MGAM2: variants seen among roughly 807,000 people sequenced by gnomAD.
The protein encoded by MGAM2 is probable maltase-glucoamylase 2.
Under a neutral mutation model 96.1 loss-of-function variants are expected in MGAM2, and 98 were observed. That is an observed-to-expected ratio of 1.02 (90% CI 0.87 to 1.21). The LOEUF (loss-of-function observed/expected upper bound fraction) is 1.21. MGAM2 is among the 50% of genes most tolerant of loss of function. The probability of loss-of-function intolerance (pLI) is 0.00; values close to 1 mark genes in which losing one functional copy is unlikely to be tolerated. For synonymous variants in MGAM2, 749 were observed against 414.8 expected (o/e 1.81, Z -9.79); for missense variants, 2,055 against 1,182.4 (o/e 1.74, Z -10.82).
rs1355959524 is a variant in MGAM2, at chr7:142,148,772, CT to C, written c.1634+1200del. ...TTTGTCTTTCTCGGCTTCTTTCCCC[CT>C]GTTTTGGTGTTTCTAGAGCACTGTT... is the stretch of plus-strand genomic sequence containing the variant. On this transcript the variant is annotated intron_variant, in intron 15 of 47. Coordinates refer to ENST00000477922, the MANE Select transcript of MGAM2 (RefSeq NM_001293626.2). This position sits in a 1 kb window ranked among gnomAD's most constrained non-coding sequence, Gnocchi z 4.2. Among the ~76,000 whole-genome samples, 4 of 152,166 alleles carry C rather than the reference CT, an allele frequency of 2.6e-5. No homozygotes were observed. In the East Asian group the frequency reaches 7.7e-4, roughly 29 times the overall value.
At chr7:142,199,412 G>T (rs149790554) in intron 44 of MGAM2, among the ~76,000 whole-genome samples, 128 of 152,202 alleles carry the variant, frequency 8.4e-4, no homozygotes, top group African/African-American at 3.0e-3. Context: ...AGAACTGAAG[G>T]TGAAAAATGG....
chr7:142,212,941 G>T (rs1056031267), intron 46 of MGAM2, among the ~76,000 whole-genome samples: 6 of 152,082 alleles, frequency 3.9e-5, no homozygotes, highest in African/African-American at 1.2e-4. Flanking sequence ...GAAGTAATAC[G>T]CTCCTCAGAA....
intron 32 of MGAM2, among the ~76,000 whole-genome samples, chr7:142,181,819 G>C (rs928260515): frequency 3.3e-5 from 5 of 152,184 alleles, no homozygotes; most frequent in Non-Finnish European, 4.4e-5. Context: ...CAGCTGATAT[G>C]GTGCCATGAT....
chr7:142,130,075 A>G (rs1404968353), intron 3 of MGAM2, among the ~76,000 whole-genome samples: 1 of 152,078 alleles, frequency 6.6e-6, no homozygotes, highest in African/African-American at 2.4e-5. Flanking sequence ...TTTTATGTAA[A>G]TTAACCTGAA....
At chr7:142,147,435 C>G in intron 14 of MGAM2, 21 bp from the exon 15 acceptor site, 1 of 695,382 alleles carries the variant, frequency 1.4e-6, no homozygotes, top group South Asian at 1.5e-5. Context: ...AAGTGCCTCA[C>G]TAATGAGTAT....
chr7:142,176,766 T>C (rs1296133757), intron 32 of MGAM2, among the ~76,000 whole-genome samples: 2 of 152,198 alleles, frequency 1.3e-5, no homozygotes, highest in Non-Finnish European at 2.9e-5. Flanking sequence ...AAATTGGCTC[T>C]CTCTGCTTGA....
Position 142,196,733 on chromosome 7 carries a change from G to A in MGAM2, c.4549G>A (p.Ala1517Thr), listed in dbSNP as rs1362892539. The change falls in exon 40 of 48, where the codon GCT becomes ACT. Residue 1517 changes from alanine (A) to threonine (T), a missense_variant. By Grantham distance (58) the Ala-to-Thr change is moderately conservative. Transcript: ENST00000477922. Reference sequence around the variant, plus strand: ...AGATATCTGTGGGTTCTTTGGAGATGCTGAATATGAGATGTGTGTTCGCTG... The same window carrying A: ...AGATATCTGTGGGTTCTTTGGAGATACTGAATATGAGATGTGTGTTCGCTG... ...GADICGFFGD[A>T]EYEMCVRWMQ... The A allele has an allele frequency of 1.3e-6, 1 of 790,530 alleles. No individual in the cohort carries two copies. The highest frequency in any genetic ancestry group is 1.7e-5 in the Admixed American group (1 of 59,012). The allele number at this position is 790,530 out of a possible 1,614,324, so 49.0% of individuals were successfully genotyped here.
At chr7:142,204,985 G>A (rs1797353873) in intron 45 of MGAM2, among the ~76,000 whole-genome samples, 1 of 152,070 alleles carries the variant, frequency 6.6e-6, no homozygotes, top group Non-Finnish European at 1.5e-5. Context: ...TAATATTCCT[G>A]TCTCTTGGGA....
intron 23 of MGAM2, among the ~76,000 whole-genome samples, chr7:142,163,193 G>A (rs376384529): frequency 4.6e-5 from 7 of 152,132 alleles, no homozygotes; most frequent in South Asian, 2.1e-4. Context: ...ATAGTATCTG[G>A]GATGGCTCCA....
chr7:142,206,101 G>A (rs150597637), intron 45 of MGAM2, among the ~76,000 whole-genome samples: 146 of 152,204 alleles, frequency 9.6e-4, no homozygotes, highest in African/African-American at 3.1e-3. Context: ...GACCATTACT[G>A]TGAGGATTTA....
chr7:142,133,192 T>C (rs1341513088), intron 6 of MGAM2, among the ~76,000 whole-genome samples: 21 of 142,098 alleles, frequency 1.5e-4, no homozygotes, highest in Non-Finnish European at 1.2e-4. Flanking sequence ...TATACATTAA[T>C]ATATTAAATA....
chr7:142,151,926 C>T (rs1315598088), intron 15 of MGAM2, among the ~76,000 whole-genome samples: 1 of 152,160 alleles, frequency 6.6e-6, no homozygotes, highest in Non-Finnish European at 1.5e-5. Flanking sequence ...ATCTGGACAT[C>T]AGAAGAACTA....
At chr7:142,167,869 G>T (rs78983411) in intron 26 of MGAM2, among the ~76,000 whole-genome samples, 1 of 152,086 alleles carries the variant, frequency 6.6e-6, no homozygotes, top group African/African-American at 2.4e-5. Context: ...ACTGTGCCTC[G>T]CTGAAACAGC....
chr7:142,199,882 G>A lies in MGAM2; in HGVS notation c.5051G>A (p.Arg1684Gln), dbSNP rs752457422. The A allele has an allele frequency of 3.0e-5, 19 of 625,954 alleles. No individual in the cohort carries two copies. The highest frequency in any genetic ancestry group is 1.3e-4 in the African/African-American group (6 of 47,992). 38.8% of individuals were successfully genotyped at this position (625,954 alleles called of 1,614,324 possible). A position where few individuals can be genotyped will look rare whatever the true frequency, so the allele number is the denominator to read the frequency against. ...QEPAMNTHSS[R>Q]QNFMGLIVAL... ...ACTCTTTTTTTTTTTTTTGGTAGTC[G>A]ACAAAATTTTATGGGATTGATTGTT... Residue 1684 changes from arginine to glutamine, a missense_variant and splice_region_variant, in exon 45 of 48, where the codon CGA (arginine) becomes CAA (glutamine). Transcript: ENST00000477922.
Position 142,158,298 on chromosome 7 carries a change from G to A in MGAM2, c.2129G>A (p.Gly710Glu). 1 of 702,944 alleles carries A rather than the reference G, an allele frequency of 1.4e-6. No homozygotes were observed. The highest frequency in any genetic ancestry group is 2.7e-5 in the East Asian group (1 of 37,278). The allele number at this position is 702,944 out of a possible 1,614,324, so 43.5% of individuals were successfully genotyped here. A position where few individuals can be genotyped will look rare whatever the true frequency, so the allele number is the denominator to read the frequency against. The change falls in exon 19 of 48, where the codon GGA (glycine) becomes GAA (glutamate). Residue 710 changes from glycine to glutamate, a missense_variant. Physicochemically the swap from Gly to Glu is moderately conservative, Grantham distance 98 (BLOSUM62 -2). Coordinates refer to ENST00000477922, the MANE Select transcript of MGAM2 (RefSeq NM_001293626.2). ...GATGTGCATGAGCAGTTCTTATGGG[G>A]ACCTGGACTCCTCATCACGCCTGTT... ...TWDVHEQFLWGPGLLITPVLY... is the reference protein window; with the variant it reads ...TWDVHEQFLWEPGLLITPVLY...
At chr7:142,186,871 A>G (rs1350169277) in intron 35 of MGAM2, among the ~76,000 whole-genome samples, 2 of 152,164 alleles carry the variant, frequency 1.3e-5, no homozygotes, top group Non-Finnish European at 2.9e-5. Flanking sequence ...ATGTGAAAGG[A>G]CACAAATTAA....
chr7:142,141,290 C>A (rs941960603), intron 12 of MGAM2, among the ~76,000 whole-genome samples, 171 bp downstream of exon 12: 1 of 151,824 alleles, frequency 6.6e-6, no homozygotes, highest in African/African-American at 2.4e-5. Context: ...GATTAAAAAC[C>A]TGAAGAATTT....
At chr7:142,171,940 C>G (rs993082318) in intron 28 of MGAM2, among the ~76,000 whole-genome samples, 158 bp from the exon 29 acceptor site, 4 of 151,884 alleles carry the variant, frequency 2.6e-5, no homozygotes, top group Non-Finnish European at 4.4e-5. Context: ...GAAGACACAG[C>G]TTTTAACTTG....
chr7:142,117,342 A>C (rs565065852), intron 2 of MGAM2, among the ~76,000 whole-genome samples: 1 of 152,238 alleles, frequency 6.6e-6, no homozygotes, highest in East Asian at 1.9e-4. Flanking sequence ...AAAGGAAACT[A>C]AGGTTACAGG....
Sources: allele counts gnomAD v4.1 joint callset (sites outside exome capture counted in the v4.1 genomes callset), GRCh38; gene constraint gnomAD v4.1.1; non-coding constraint Gnocchi (gnomAD v3.1); transcripts MANE v1.5; gene names NCBI Gene and HGNC (gene_info 2026-07-23, HGNC 2026-07-21).